Variants in NCOA2 observed in about 807,000 individuals in gnomAD.
The protein encoded by NCOA2 is nuclear receptor coactivator 2.
In NCOA2, 21 loss-of-function variants were observed where a neutral mutation model predicts 145.1. The observed-to-expected ratio is 0.14, with a 90% CI of 0.10 to 0.21. The LOEUF (loss-of-function observed/expected upper bound fraction) is 0.21, where lower values mean the gene tolerates loss of function less well. Among genes scored for constraint, NCOA2 ranks in the 10% least tolerant of loss-of-function variants. The probability of loss-of-function intolerance (pLI) is 1.00; values close to 1 mark genes in which losing one functional copy is unlikely to be tolerated. For missense variants in NCOA2, 1,472 were observed against 1,837.6 expected (o/e 0.80, Z 3.64); for synonymous variants, 619 against 637.5 (o/e 0.97, Z 0.44).
chr8:70,403,166 TC>T (rs1254859479), intron 1 of NCOA2, among the ~76,000 whole-genome samples: 1 of 150,980 alleles, frequency 6.6e-6, no homozygotes, highest in East Asian at 2.0e-4. Context: ...GCTCCGCGCT[TC>T]CATTAAAGAA....
intron 18 of NCOA2, among the ~76,000 whole-genome samples, chr8:70,127,987 GGCGGT>G (rs1040770188): frequency 2.0e-5 from 3 of 152,208 alleles, no homozygotes; most frequent in African/African-American, 7.2e-5. Context: ...AAGTGCAAGA[GGCGGT>G]GATGTGCCTT....
chr8:70,122,569 T>C (rs1161678627), intron 21 of NCOA2, among the ~76,000 whole-genome samples: 3 of 152,254 alleles, frequency 2.0e-5, no homozygotes, highest in African/African-American at 7.2e-5. Flanking sequence ...AAGTCTGTAT[T>C]TCTTTATGTC....
At chr8:70,217,766 C>CTTT (rs1340665938) in intron 2 of NCOA2, among the ~76,000 whole-genome samples, 1 of 152,006 alleles carries the variant, frequency 6.6e-6, no homozygotes, top group Non-Finnish European at 1.5e-5. Context: ...GTGAGGAAAC[C>CTTT]ATAAAAGACT....
At chr8:70,321,146 A>G (rs1249981501) in intron 1 of NCOA2, among the ~76,000 whole-genome samples, 1 of 152,072 alleles carries the variant, frequency 6.6e-6, no homozygotes, top group Non-Finnish European at 1.5e-5. Context: ...TGGGTTTTCT[A>G]TTGTTTTGCA....
intron 2 of NCOA2, among the ~76,000 whole-genome samples, chr8:70,269,717 A>G (rs1824893334): frequency 6.6e-6 from 1 of 152,212 alleles, no homozygotes; most frequent in Non-Finnish European, 1.5e-5. Flanking sequence ...ACTTCAATCA[A>G]TATACAAAAT....
At chr8:70,396,131 A>C (rs1281587681) in intron 1 of NCOA2, among the ~76,000 whole-genome samples, 1 of 152,360 alleles carries the variant, frequency 6.6e-6, no homozygotes, top group Middle Eastern at 3.4e-3. Context: ...ATGATTACAA[A>C]ACATCTGCAA....
At chr8:70,212,742 TA>T (rs1000224525) in intron 4 of NCOA2, among the ~76,000 whole-genome samples, 91 of 152,226 alleles carry the variant, frequency 6.0e-4, no homozygotes, top group African/African-American at 2.0e-3. Context: ...GAATATTATA[TA>T]AAAGGCAGAT....
chr8:70,367,251 C>A (rs1233195857), intron 1 of NCOA2, among the ~76,000 whole-genome samples: 1 of 152,140 alleles, frequency 6.6e-6, no homozygotes, highest in African/African-American at 2.4e-5. Flanking sequence ...ATAATGCTGA[C>A]CTTGTTTAAG....
intron 2 of NCOA2, among the ~76,000 whole-genome samples, chr8:70,290,213 G>A (rs1359105621): frequency 7.2e-6 from 1 of 138,910 alleles, no homozygotes; most frequent in East Asian, 2.1e-4. Flanking sequence ...TTGAGATGGA[G>A]TCTCGCTCTG....
At chr8:70,198,419 A>G (rs1434692701) in intron 4 of NCOA2, among the ~76,000 whole-genome samples, 1 of 152,226 alleles carries the variant, frequency 6.6e-6, no homozygotes, top group Non-Finnish European at 1.5e-5. Flanking sequence ...CAATGGGACC[A>G]GCCAGCAAAG....
At chr8:70,455,507 ATAAAC>A in the NCOA2 span, among the ~76,000 whole-genome samples, 8 of 152,238 alleles carry the variant, frequency 5.3e-5, no homozygotes, top group Admixed American at 5.2e-4. Flanking sequence ...GAACCTTAAA[ATAAAC>A]TAAAGACAAC....
At chr8:70,224,466 CCTT>C (rs938530917) in intron 2 of NCOA2, among the ~76,000 whole-genome samples, 3 of 152,064 alleles carry the variant, frequency 2.0e-5, no homozygotes, top group Non-Finnish European at 4.4e-5. Context: ...TTCACAGTGT[CCTT>C]CTTGCATAAA....
Position 70,190,371 on chromosome 8 carries a change from G to T in NCOA2, c.260-15512C>A, listed in dbSNP as rs1369851411. Reference sequence around the variant, plus strand: ...TATCTGTCCTTTCTAAAGAAACTATGAGTCACTAAGTCAGGAATGGAACTA... The same window carrying T: ...TATCTGTCCTTTCTAAAGAAACTATTAGTCACTAAGTCAGGAATGGAACTA... On this transcript the variant is annotated intron_variant, in intron 4 of 22. Transcript: ENST00000452400. Among the ~76,000 whole-genome samples the T allele has an allele frequency of 7.2e-5, 11 of 152,146 alleles. 1 individual carries two copies. The highest frequency in any genetic ancestry group is 1.6e-4 in the Non-Finnish European group (11 of 68,032).
chr8:70,296,176 G>C (rs1398626832), intron 2 of NCOA2, among the ~76,000 whole-genome samples: 1 of 152,152 alleles, frequency 6.6e-6, no homozygotes. Flanking sequence ...GTTGTAAAGA[G>C]TAAGTAAAAA....
the NCOA2 span, among the ~76,000 whole-genome samples, chr8:70,447,441 G>A: frequency 2.0e-5 from 3 of 152,152 alleles, no homozygotes; most frequent in Non-Finnish European, 2.9e-5. Flanking sequence ...AGTAGGGATC[G>A]TGTCCAGTCA....
rs377090676 is a variant in NCOA2 at position 70,128,815 on chromosome 8, T to C, written c.3490A>G (p.Ser1164Gly). Residue 1164 changes from serine to glycine, a missense_variant, in exon 17 of 23, where the codon AGT (serine) becomes GGT (glycine). Around this residue, in one of 4 missense-constraint regions of NCOA2, gnomAD observed 953 missense variants for 1,062.1 expected, o/e 0.90. Transcript: ENST00000452400. ...GGCTGCATACGGAGTGTGGCATAAC[T>C]AGGCCGCTGTCCCATGGTGTGAAAG... The part of the protein sequence containing the change: ...PNFHTMGQRP[S>G]YATLRMQPRP... 1.9e-6 allele frequency: 3 copies of C among 1,613,922 alleles called. No homozygotes were observed. Among genetic ancestry groups the C allele is most frequent in the Non-Finnish European group, 2.5e-6 (3 of 1,179,906 alleles).
chr8:70,178,956 T>G (rs997659125), intron 4 of NCOA2, among the ~76,000 whole-genome samples: 1 of 152,180 alleles, frequency 6.6e-6, no homozygotes, highest in Non-Finnish European at 1.5e-5. Context: ...ACAAGATCAA[T>G]CTAAACTTAT....
At chr8:70,410,337 T>A in the NCOA2 span, among the ~76,000 whole-genome samples, 1 of 152,202 alleles carries the variant, frequency 6.6e-6, no homozygotes, top group Non-Finnish European at 1.5e-5. Flanking sequence ...AAGTTAAGTA[T>A]ACACAATTCT....
At chr8:70,131,564 C>T (rs950929312) in intron 16 of NCOA2, among the ~76,000 whole-genome samples, 7 of 152,090 alleles carry the variant, frequency 4.6e-5, no homozygotes, top group South Asian at 2.1e-4. Context: ...TCAGCAAGGG[C>T]GGACACCAGG....
Sources: gnomAD v4.1 joint callset for allele counts (sites outside exome capture counted in the v4.1 genomes callset) on GRCh38, gnomAD v4.1.1 for gene constraint, gnomAD v4.1.1 regional missense constraint, MANE v1.5 for transcripts, NCBI Gene and HGNC (gene_info 2026-07-23, HGNC 2026-07-21) for gene names.